The following HDAC9 variants were observed in gnomAD, a reference collection of about 807,000 sequenced individuals.
HDAC9 encodes the protein histone deacetylase 9, also known as MEF-2 interacting transcription repressor (MITR) protein.
HDAC9 carries 41 observed loss-of-function variants against 139.4 expected under a neutral mutation model. The observed-to-expected ratio is 0.29, with a 90% CI of 0.23 to 0.38. HDAC9 has a LOEUF of 0.38. HDAC9 is among the 10% of genes least tolerant of loss of function. The pLI, the probability that HDAC9 is intolerant of heterozygous loss-of-function variation, is 1.00. For synonymous variants in HDAC9, 517 were observed against 476.2 expected (o/e 1.09, Z -1.12); for missense variants, 1,147 against 1,297.0 (o/e 0.88, Z 1.78).
At chr7:18,344,252 A>G (rs759309734) in intron 1 of HDAC9, among the ~76,000 whole-genome samples, 22 of 151,956 alleles carry the variant, frequency 1.4e-4, no homozygotes, top group Non-Finnish European at 2.7e-4. Context: ...AATATCTAAT[A>G]AGATATCAGA....
intron 21 of HDAC9, among the ~76,000 whole-genome samples, chr7:18,865,416 G>T (rs971917819): frequency 3.9e-5 from 6 of 152,212 alleles, no homozygotes; most frequent in Non-Finnish European, 8.8e-5. Context: ...CAATGTGTGT[G>T]TGTTGGTGGT....
chr7:18,119,987 G>C lies in HDAC9; in HGVS notation c.-97+32774G>C, dbSNP rs895690323. Reference sequence around the variant, plus strand: ...CTTTGCCACCAAAGAATGTTTTTGGGGGTAATGTATGGGAAGTTTGAAATG... The same window carrying C: ...CTTTGCCACCAAAGAATGTTTTTGGCGGTAATGTATGGGAAGTTTGAAATG... On this transcript the variant is annotated intron_variant, in intron 1 of 12. Transcript: ENST00000417496. Among the ~76,000 whole-genome samples, 23 of 152,244 alleles carry C rather than the reference G, an allele frequency of 1.5e-4. 1 individual carries two copies. Among genetic ancestry groups the C allele is most frequent in the Admixed American group, 1.2e-3 (19 of 15,294 alleles).
At chr7:18,984,014 C>T (rs1220305791) in intron 25 of HDAC9, among the ~76,000 whole-genome samples, 1 of 152,010 alleles carries the variant, frequency 6.6e-6, no homozygotes, top group Non-Finnish European at 1.5e-5. Flanking sequence ...ATTCACCGAC[C>T]ACTAACCCCC....
At chr7:18,733,329 A>G (rs1428034460) in intron 13 of HDAC9, among the ~76,000 whole-genome samples, 1 of 150,118 alleles carries the variant, frequency 6.7e-6, no homozygotes, top group East Asian at 1.9e-4. Flanking sequence ...ACACATGTAT[A>G]TATGTGTATG....
At chr7:18,382,173 TA>T (rs201203633) in intron 1 of HDAC9, among the ~76,000 whole-genome samples, 22 of 150,772 alleles carry the variant, frequency 1.5e-4, no homozygotes, top group South Asian at 2.1e-4. Flanking sequence ...TTCCATATCT[TA>T]AAAAAAAAGA....
intron 23 of HDAC9, among the ~76,000 whole-genome samples, chr7:18,953,163 C>G (rs191982322): frequency 2.0e-5 from 3 of 152,160 alleles, no homozygotes; most frequent in Non-Finnish European, 4.4e-5. Flanking sequence ...AGTGACATCG[C>G]TTCCCATTCG....
At chr7:18,233,552 G>A (rs765885816) in intron 2 of HDAC9, among the ~76,000 whole-genome samples, 1 of 152,090 alleles carries the variant, frequency 6.6e-6, no homozygotes, top group Non-Finnish European at 1.5e-5. Context: ...AGAACAAATT[G>A]TTCATGGTTG....
intron 2 of HDAC9, among the ~76,000 whole-genome samples, chr7:18,181,248 A>G (rs891331771): frequency 2.0e-5 from 3 of 152,284 alleles, no homozygotes; most frequent in African/African-American, 4.8e-5. Context: ...TATTCATTTC[A>G]TTCATTTGTT....
chr7:18,148,973 G>T, intron 1 of HDAC9, among the ~76,000 whole-genome samples: 1 of 152,158 alleles, frequency 6.6e-6, no homozygotes, highest in East Asian at 1.9e-4. Context: ...ACAGATCATA[G>T]GGTGTCATAC....
intron 1 of HDAC9, among the ~76,000 whole-genome samples, chr7:18,359,136 A>G (rs111518948): frequency 0.047 from 7,223 of 152,264 alleles, 332 homozygotes; most frequent in East Asian, 0.24. Context: ...CAGGCAGATT[A>G]CATGATGTCA....
At chr7:18,238,360 C>A (rs1793962953) in intron 2 of HDAC9, among the ~76,000 whole-genome samples, 1 of 152,180 alleles carries the variant, frequency 6.6e-6, no homozygotes, top group Non-Finnish European at 1.5e-5. Context: ...GTAGTAACAT[C>A]AGTCATAACC....
chr7:18,303,031 A>G (rs1215502762), intron 1 of HDAC9, among the ~76,000 whole-genome samples: 1 of 152,142 alleles, frequency 6.6e-6, no homozygotes, highest in East Asian at 1.9e-4. Context: ...TTTCCTAAAA[A>G]CATGATTTTA....
chr7:18,921,422 T>C (rs1432752930), intron 22 of HDAC9, among the ~76,000 whole-genome samples: 1 of 152,130 alleles, frequency 6.6e-6, no homozygotes, highest in Non-Finnish European at 1.5e-5. Flanking sequence ...GTGAAGGATA[T>C]GAACAGACAC....
chr7:18,541,407 T>TA (rs1812905068), intron 2 of HDAC9, among the ~76,000 whole-genome samples: 1 of 152,132 alleles, frequency 6.6e-6, no homozygotes, highest in Non-Finnish European at 1.5e-5. Context: ...TGCCTTGCCA[T>TA]ATCTGTCCAC....
At chr7:18,323,443 C>T (rs1047518125) in intron 1 of HDAC9, among the ~76,000 whole-genome samples, 2 of 152,098 alleles carry the variant, frequency 1.3e-5, no homozygotes, top group African/African-American at 4.8e-5. Context: ...CACACCTCAC[C>T]CACAGTGAAA....
At chr7:18,391,696 A>C (rs1786503274) in intron 1 of HDAC9, among the ~76,000 whole-genome samples, 1 of 152,194 alleles carries the variant, frequency 6.6e-6, no homozygotes, top group African/African-American at 2.4e-5. Context: ...CATCTTTATC[A>C]CCTATTAAGA....
intron 2 of HDAC9, among the ~76,000 whole-genome samples, chr7:18,214,648 A>G (rs1443474515): frequency 6.6e-6 from 1 of 152,086 alleles, no homozygotes; most frequent in Non-Finnish European, 1.5e-5. Context: ...GGAAACTTAT[A>G]TATAATATAT....
At chr7:18,861,841 T>A (rs35827444) in intron 21 of HDAC9, among the ~76,000 whole-genome samples, 6,981 of 152,292 alleles carry the variant, frequency 0.046, 258 homozygotes, top group African/African-American at 0.099. Flanking sequence ...CTGGACCAGG[T>A]ATATATGTGA....
chr7:18,907,682 C>T (rs1802385596), intron 22 of HDAC9, among the ~76,000 whole-genome samples: 1 of 152,194 alleles, frequency 6.6e-6, no homozygotes. Context: ...ACCAATAATG[C>T]ACAATCAGAT....
Sources: gnomAD v4.1 joint callset for allele counts (sites outside exome capture counted in the v4.1 genomes callset) on GRCh38, gnomAD v4.1.1 for gene constraint, MANE v1.5 for transcripts, NCBI Gene and HGNC (gene_info 2026-07-23, HGNC 2026-07-21) for gene names.